Variants in XKR9 observed in about 807,000 individuals in gnomAD.
XKR9 encodes the protein XK related 9, also known as XK-related protein 9.
A neutral mutation model predicts 32.0 loss-of-function variants in XKR9; 32 were observed. That is an observed-to-expected ratio of 1.00 (90% confidence interval 0.76 to 1.34). The LOEUF is 1.34. XKR9 is among the 40% of genes most tolerant of loss of function. XKR9 has a pLI of 0.00. For missense variants in XKR9, 546 were observed against 429.7 expected (o/e 1.27, Z -2.39); for synonymous variants, 168 against 143.4 (o/e 1.17, Z -1.22).
the XKR9 span, among the ~76,000 whole-genome samples, chr8:70,886,101 T>C: frequency 6.6e-6 from 1 of 152,218 alleles, no homozygotes; most frequent in Non-Finnish European, 1.5e-5. Flanking sequence ...CCATGTGTTC[T>C]CATTGTTCAG....
At chr8:70,890,035 C>A in the XKR9 span, among the ~76,000 whole-genome samples, 1 of 152,050 alleles carries the variant, frequency 6.6e-6, no homozygotes, top group Non-Finnish European at 1.5e-5. Flanking sequence ...TACATTCCCA[C>A]AACCAGTGTA....
At chr8:70,957,359 G>A in the XKR9 span, among the ~76,000 whole-genome samples, 1 of 152,104 alleles carries the variant, frequency 6.6e-6, no homozygotes, top group Non-Finnish European at 1.5e-5. Flanking sequence ...TTCAGAGGCA[G>A]TTAATCTTTT....
At chr8:70,744,486 A>G (rs995861117) in intron 2 of XKR9, among the ~76,000 whole-genome samples, 2 of 152,216 alleles carry the variant, frequency 1.3e-5, no homozygotes, top group Non-Finnish European at 2.9e-5. Flanking sequence ...GTAATTTGCC[A>G]AAGTCCACAC....
chr8:70,685,773 T>C (rs1007094270), intron 3 of XKR9, among the ~76,000 whole-genome samples: 1 of 142,998 alleles, frequency 7.0e-6, no homozygotes, highest in African/African-American at 2.6e-5. Context: ...TTAGGAGATA[T>C]ACCTAATGCT....
At chr8:71,064,755 T>A in the XKR9 span, among the ~76,000 whole-genome samples, 1 of 152,190 alleles carries the variant, frequency 6.6e-6, no homozygotes, top group African/African-American at 2.4e-5. Context: ...TTAAGCTGTT[T>A]CCATTCTATA....
intron 2 of XKR9, among the ~76,000 whole-genome samples, chr8:70,763,518 G>A (rs570940186): frequency 3.3e-5 from 5 of 152,068 alleles, no homozygotes; most frequent in Non-Finnish European, 7.4e-5. Context: ...TTGGCCTTTG[G>A]CAGTTCTCAT....
chr8:70,713,480 T>C (rs997813263), intron 4 of XKR9, among the ~76,000 whole-genome samples: 4 of 152,220 alleles, frequency 2.6e-5, no homozygotes, highest in South Asian at 2.1e-4. Flanking sequence ...ATTCATACCA[T>C]AGTGTATCCC....
the XKR9 span, among the ~76,000 whole-genome samples, chr8:71,032,308 A>AC: frequency 2.8e-5 from 4 of 141,128 alleles, no homozygotes; most frequent in African/African-American, 5.2e-5. Flanking sequence ...AAAAAAAAAA[A>AC]CCACTTTGGA....
intron 2 of XKR9, among the ~76,000 whole-genome samples, chr8:70,762,334 C>A (rs745885513): frequency 1.3e-5 from 2 of 152,162 alleles, no homozygotes; most frequent in Non-Finnish European, 2.9e-5. Context: ...GAGTCACCAA[C>A]CCCTGGGCAA....
chr8:70,862,781 T>A, the XKR9 span, among the ~76,000 whole-genome samples: 1 of 152,050 alleles, frequency 6.6e-6, no homozygotes, highest in Non-Finnish European at 1.5e-5. Flanking sequence ...GAGACAGGTA[T>A]TAATCTAAGA....
intron 2 of XKR9, among the ~76,000 whole-genome samples, chr8:70,766,339 T>G (rs1331574604): frequency 6.6e-6 from 1 of 152,200 alleles, no homozygotes; most frequent in African/African-American, 2.4e-5. Flanking sequence ...TAAGTTGTAT[T>G]CCTAGGCATT....
At chr8:70,970,698 C>A in the XKR9 span, among the ~76,000 whole-genome samples, 3 of 152,106 alleles carry the variant, frequency 2.0e-5, no homozygotes, top group Non-Finnish European at 4.4e-5. Context: ...GCCACATTTT[C>A]TTTATTCAGT....
chr8:71,058,768 A>G, the XKR9 span, among the ~76,000 whole-genome samples: 1 of 152,240 alleles, frequency 6.6e-6, no homozygotes, highest in African/African-American at 2.4e-5. Flanking sequence ...TCCAAAAGTC[A>G]TCACTCTGAT....
chr8:70,706,822 A>G lies in XKR9; in HGVS notation c.273-111A>G, dbSNP rs1212625194. The G allele has an allele frequency of 5.4e-6, 5 of 924,700 alleles. No individual in the cohort carries two copies. In the Admixed American group the frequency reaches 1.4e-4, roughly 27 times the overall value. The allele number at this position is 924,700 out of a possible 1,614,324, so 57.3% of individuals were successfully genotyped here. A position where few individuals can be genotyped will look rare whatever the true frequency, so the allele number is the denominator to read the frequency against. ...AATCTGTAGTAGAGAGAGTTTGTGGAAAAACTGTGTACTTAAAACACATAT... is the reference window on the plus strand; with the variant it reads ...AATCTGTAGTAGAGAGAGTTTGTGGGAAAACTGTGTACTTAAAACACATAT... On this transcript the variant is annotated intron_variant, in intron 3 of 4. Coordinates refer to ENST00000408926, the MANE Select transcript of XKR9 (RefSeq NM_001011720.2).
intron 2 of XKR9, among the ~76,000 whole-genome samples, chr8:70,676,105 G>T (rs1415088090): frequency 6.6e-6 from 1 of 152,156 alleles, no homozygotes; most frequent in African/African-American, 2.4e-5. Flanking sequence ...TTTTGGGGAG[G>T]CCTCAGGAAG....
chr8:70,847,191 C>G, the XKR9 span, among the ~76,000 whole-genome samples: 1 of 151,988 alleles, frequency 6.6e-6, no homozygotes, highest in South Asian at 2.1e-4. Flanking sequence ...AAAGAGGAAC[C>G]TTGGGAACAG....
the XKR9 span, among the ~76,000 whole-genome samples, chr8:70,957,332 C>T: frequency 1.3e-5 from 2 of 152,120 alleles, no homozygotes; most frequent in Non-Finnish European, 2.9e-5. Context: ...TTATCACCTA[C>T]TAGAAAGAGC....
chr8:70,920,974 T>C, the XKR9 span, among the ~76,000 whole-genome samples: 1 of 152,164 alleles, frequency 6.6e-6, no homozygotes, highest in Admixed American at 6.5e-5. Context: ...CAGAGTTCTC[T>C]TGTGGGCAAC....
chr8:70,811,835 G>A, the XKR9 span, among the ~76,000 whole-genome samples: 1 of 151,958 alleles, frequency 6.6e-6, no homozygotes, highest in Admixed American at 6.6e-5. Context: ...GGACCAGATG[G>A]ATTCACAGCC....
Sources: gnomAD v4.1 joint callset for allele counts (sites outside exome capture counted in the v4.1 genomes callset) on GRCh38, gnomAD v4.1.1 for gene constraint, MANE v1.5 for transcripts, NCBI Gene and HGNC (gene_info 2026-07-23, HGNC 2026-07-21) for gene names.